Variants in CYSLTR1 observed in about 807,000 individuals in gnomAD.
The protein encoded by CYSLTR1 is cysteinyl leukotriene receptor 1, also known as G-protein coupled receptor HG55.
A neutral mutation model predicts 2.1 loss-of-function variants in CYSLTR1; 1 was observed. The ratio of observed to expected loss-of-function variants is 0.48; its 90% CI spans 0.17 to 2.28. The LOEUF is 2.28. CYSLTR1 is among the 30% of genes most tolerant of loss of function. CYSLTR1 has a pLI of 0.26. For missense variants in CYSLTR1, 299 were observed against 250.1 expected (o/e 1.20, Z -1.32); for synonymous variants, 110 against 89.6 (o/e 1.23, Z -1.28).
chrX:78,319,019 G>A (rs1027306730), intron 1 of CYSLTR1: 2 of 109,906 alleles, frequency 1.8e-5, no homozygotes, highest in African/African-American at 6.6e-5. Context: ...TATACTTCAA[G>A]ATTTAGGTTG....
intron 2 of CYSLTR1, among the ~76,000 whole-genome samples, chrX:78,281,412 A>C (rs1357961524): frequency 9.1e-6 from 1 of 110,356 alleles, no homozygotes; most frequent in East Asian, 2.8e-4. Flanking sequence ...TTACAGTTAC[A>C]GGCGTGTGCC....
Position 78,312,916 on chromosome X carries a change from A to C in CYSLTR1, c.-115+14389T>G, listed in dbSNP as rs772769821. On this transcript the variant is annotated intron_variant, in intron 1 of 2. Coordinates refer to ENST00000373304, the MANE Select transcript of CYSLTR1 (RefSeq NM_006639.4). Reference sequence around the variant, plus strand: ...TGGAAAGCAGTTTGGAGATTTGTTGAAAAACTTTAAATGGAACTCTATTTG... The same window carrying C: ...TGGAAAGCAGTTTGGAGATTTGTTGCAAAACTTTAAATGGAACTCTATTTG... 2.7e-5 allele frequency among the ~76,000 whole-genome samples: 3 copies of C among 112,194 alleles called. No homozygotes were observed. In the South Asian group the frequency reaches 1.1e-3, roughly 41 times the overall value.
chrX:78,290,619 T>C (rs914437324), intron 1 of CYSLTR1, among the ~76,000 whole-genome samples: 1 of 112,111 alleles, frequency 8.9e-6, no homozygotes, highest in Non-Finnish European at 1.9e-5. Context: ...GTTTGTGTCC[T>C]CTTTTATTTC....
At chrX:78,289,685 G>A (rs1308692537) in intron 1 of CYSLTR1, among the ~76,000 whole-genome samples, 12 of 112,119 alleles carry the variant, frequency 1.1e-4, no homozygotes, top group African/African-American at 3.9e-4. Context: ...TCTCATTGTA[G>A]TTTTGATCTG....
At chrX:78,277,303 G>C (rs886431107) in intron 2 of CYSLTR1, among the ~76,000 whole-genome samples, 4 of 111,292 alleles carry the variant, frequency 3.6e-5, no homozygotes, top group Admixed American at 9.6e-5. Context: ...CCTGCTTGCA[G>C]CACAGCCTCA....
intron 1 of CYSLTR1, among the ~76,000 whole-genome samples, chrX:78,304,673 C>A (rs1203761281): frequency 9.0e-6 from 1 of 110,936 alleles, no homozygotes; most frequent in Non-Finnish European, 1.9e-5. Context: ...AAAGGAACTC[C>A]CCAAACCTCC....
intron 2 of CYSLTR1, among the ~76,000 whole-genome samples, chrX:78,278,722 A>C (rs1416177436): frequency 2.7e-5 from 3 of 112,602 alleles, no homozygotes; most frequent in Non-Finnish European, 5.6e-5. Context: ...ACAAAGCTAG[A>C]GTAACCAAAC....
At chrX:78,280,341 T>G (rs1387447072) in intron 2 of CYSLTR1, among the ~76,000 whole-genome samples, 2 of 111,480 alleles carry the variant, frequency 1.8e-5, no homozygotes, top group African/African-American at 6.5e-5. Flanking sequence ...CACTAGATAG[T>G]GCTGTTGAAA....
rs1349499842 is a variant in CYSLTR1 at position 78,308,181 on chromosome X, A to G, written c.-115+19124T>C. ...TTGCAGAAAACAGTAATGTAGTTAC[A>G]TTCCTCTTAGAAATACATAGCCATG... On this transcript the variant is annotated intron_variant, in intron 1 of 2. Coordinates refer to ENST00000373304, the MANE Select transcript of CYSLTR1 (RefSeq NM_006639.4). 2.7e-5 allele frequency among the ~76,000 whole-genome samples: 3 copies of G among 111,972 alleles called. No individual in the cohort carries two copies. The Admixed American group carries it at 2.8e-4, about 11-fold the overall frequency.
chrX:78,280,713 T>C (rs925156180), intron 2 of CYSLTR1, among the ~76,000 whole-genome samples: 1 of 111,529 alleles, frequency 9.0e-6, no homozygotes, highest in Non-Finnish European at 1.9e-5. Flanking sequence ...TTACTTATTT[T>C]TTCTTATCCT....
chrX:78,301,863 A>G (rs1922833438), intron 1 of CYSLTR1, among the ~76,000 whole-genome samples: 1 of 112,218 alleles, frequency 8.9e-6, no homozygotes, highest in Non-Finnish European at 1.9e-5. Flanking sequence ...AAGAGGTTTA[A>G]TTGACTCACA....
At chrX:78,279,106 A>G (rs538632532) in intron 2 of CYSLTR1, among the ~76,000 whole-genome samples, 2 of 112,410 alleles carry the variant, frequency 1.8e-5, no homozygotes, top group South Asian at 3.7e-4. Flanking sequence ...AAAATTAACA[A>G]TTGGGATCTA....
chrX:78,284,947 T>C (rs1299795787), intron 1 of CYSLTR1, among the ~76,000 whole-genome samples: 1 of 111,436 alleles, frequency 9.0e-6, no homozygotes, highest in Non-Finnish European at 1.9e-5. Flanking sequence ...CCTTTTTCTC[T>C]AGGTAAGAAG....
At chrX:78,301,040 C>A (rs1016801441) in intron 1 of CYSLTR1, among the ~76,000 whole-genome samples, 4 of 112,626 alleles carry the variant, frequency 3.6e-5, no homozygotes, top group Non-Finnish European at 5.6e-5. Context: ...TGTACCTCGG[C>A]TCCTTTTAGC....
chrX:78,275,494 CA>C (rs1921542969), intron 2 of CYSLTR1, among the ~76,000 whole-genome samples: 2 of 108,724 alleles, frequency 1.8e-5, no homozygotes, highest in Non-Finnish European at 3.8e-5. Flanking sequence ...AAAAACCAAA[CA>C]CCGCATGTTC....
chrX:78,280,509 T>TTG (rs1921791573), intron 2 of CYSLTR1, among the ~76,000 whole-genome samples: 3 of 100,859 alleles, frequency 3.0e-5, no homozygotes, highest in South Asian at 1.1e-3. Flanking sequence ...CATATACCAT[T>TTG]TGTGTGTGTG....
At chrX:78,320,990 G>C (rs1258736339) in intron 1 of CYSLTR1, 4 of 111,391 alleles carry the variant, frequency 3.6e-5, no homozygotes, top group Non-Finnish European at 7.5e-5. Flanking sequence ...TAGCTCATTA[G>C]TAGCAGTGAG....
chrX:78,282,393 C>T (rs1256140376), intron 2 of CYSLTR1, among the ~76,000 whole-genome samples: 2 of 112,247 alleles, frequency 1.8e-5, no homozygotes, highest in Admixed American at 9.5e-5. Context: ...CCCATAAATG[C>T]TCAGTAAGTG....
intron 1 of CYSLTR1, among the ~76,000 whole-genome samples, chrX:78,315,654 T>C (rs1047401189): frequency 1.3e-4 from 14 of 111,387 alleles, no homozygotes; most frequent in African/African-American, 4.6e-4. Flanking sequence ...ATGGTGGCCA[T>C]GAGATGAGGC....
Sources: gnomAD v4.1 joint callset for allele counts (sites outside exome capture counted in the v4.1 genomes callset) on GRCh38, gnomAD v4.1.1 for gene constraint, MANE v1.5 for transcripts, NCBI Gene and HGNC (gene_info 2026-07-23, HGNC 2026-07-21) for gene names.